The following CREB5 variants were observed in gnomAD, a reference collection of about 807,000 sequenced individuals.
CREB5 encodes cAMP responsive element binding protein 5.
In CREB5, 19 loss-of-function variants were observed where a neutral mutation model predicts 57.1. The ratio of observed to expected loss-of-function variants is 0.33; its 90% CI spans 0.23 to 0.49. The LOEUF is 0.49. Among genes scored for constraint, CREB5 ranks in the 20% least tolerant of loss-of-function variants. The probability of loss-of-function intolerance (pLI) is 0.99; values close to 1 mark genes in which losing one functional copy is unlikely to be tolerated. For missense variants in CREB5, 579 were observed against 671.6 expected, an observed-to-expected ratio of 0.86 and a Z score of 1.52; for synonymous variants, 238 against 238.3, an observed-to-expected ratio of 1.00 and a Z score of 0.01.
chr7:28,445,645 A>ATGG (rs1789412442), intron 1 of CREB5, among the ~76,000 whole-genome samples: 1 of 151,418 alleles, frequency 6.6e-6, no homozygotes, highest in Non-Finnish European at 1.5e-5. Context: ...TCCGCCTCCC[A>ATGG]GGTTCACGCC....
intron 7 of CREB5, among the ~76,000 whole-genome samples, chr7:28,740,306 C>T (rs919321474): frequency 1.3e-5 from 2 of 152,144 alleles, no homozygotes; most frequent in Non-Finnish European, 2.9e-5. Context: ...TCATCCCTGG[C>T]CATTTATTCC....
At chr7:28,645,085 C>G (rs946379146) in intron 5 of CREB5, among the ~76,000 whole-genome samples, 1 of 152,184 alleles carries the variant, frequency 6.6e-6, no homozygotes, top group African/African-American at 2.4e-5. Context: ...TTGCAGCCCC[C>G]CAACCCTTGA....
chr7:28,618,919 A>C (rs1797690837), intron 5 of CREB5, among the ~76,000 whole-genome samples: 1 of 152,238 alleles, frequency 6.6e-6, no homozygotes, highest in African/African-American at 2.4e-5. Flanking sequence ...GGCATTTGTT[A>C]CATGCTCAGA....
Position 28,514,286 on chromosome 7 carries a change from G to T in CREB5, c.291+6549G>T, listed in dbSNP as rs991805554. ...ACAGGCAAAGTGAAGGGGGGAGGTG[G>T]TTGTGACAGTAATTTCAGACGAATG... On this transcript the variant is annotated intron_variant, in intron 4 of 10. Transcript: ENST00000357727. 7.5e-4 allele frequency among the ~76,000 whole-genome samples: 114 copies of T among 152,210 alleles called. 7 individuals are homozygous for T. Among genetic ancestry groups the T allele is most frequent in the Non-Finnish European group, 5.9e-5 (4 of 68,032 alleles).
intron 1 of CREB5, among the ~76,000 whole-genome samples, chr7:28,480,057 C>G (rs970085753): frequency 1.3e-5 from 2 of 151,286 alleles, no homozygotes; most frequent in African/African-American, 4.9e-5. Context: ...TAAAAATCAT[C>G]TGCATGTGTG....
intron 7 of CREB5, among the ~76,000 whole-genome samples, chr7:28,754,431 C>T (rs776695137): frequency 1.3e-5 from 2 of 152,176 alleles, no homozygotes; most frequent in Non-Finnish European, 2.9e-5. Flanking sequence ...TAAACATCTA[C>T]GTTGGCCACC....
intron 5 of CREB5, among the ~76,000 whole-genome samples, chr7:28,617,486 A>G (rs1797634888): frequency 6.6e-6 from 1 of 152,214 alleles, no homozygotes; most frequent in East Asian, 1.9e-4. Flanking sequence ...GGGGCTGAAC[A>G]GGGAAAGGAG....
chr7:28,300,938 G>T (rs1231356234), intron 1 of CREB5, among the ~76,000 whole-genome samples: 3 of 152,186 alleles, frequency 2.0e-5, no homozygotes, highest in Admixed American at 2.0e-4. Context: ...CCCTGACTCA[G>T]AGACTGGGTT....
chr7:28,632,007 G>T (rs994007234), intron 5 of CREB5, among the ~76,000 whole-genome samples: 3 of 152,102 alleles, frequency 2.0e-5, no homozygotes, highest in African/African-American at 7.2e-5. Context: ...GCATATAAGG[G>T]CACTTTGTAA....
At chr7:28,548,689 C>T (rs565839435) in intron 4 of CREB5, among the ~76,000 whole-genome samples, 27 of 152,288 alleles carry the variant, frequency 1.8e-4, no homozygotes, top group African/African-American at 4.3e-4. Flanking sequence ...GAAAACATAG[C>T]AGATTCTTCT....
At chr7:28,331,091 A>G (rs1316235710) in intron 1 of CREB5, among the ~76,000 whole-genome samples, 1 of 152,128 alleles carries the variant, frequency 6.6e-6, no homozygotes, top group African/African-American at 2.4e-5. Flanking sequence ...CCATTTATTC[A>G]ATAATTGAGT....
chr7:28,595,115 T>G (rs1796651482), intron 5 of CREB5, among the ~76,000 whole-genome samples: 1 of 152,210 alleles, frequency 6.6e-6, no homozygotes, highest in Non-Finnish European at 1.5e-5. Context: ...AGACCTTCAC[T>G]TCTTAAAGCT....
intron 1 of CREB5, among the ~76,000 whole-genome samples, chr7:28,476,407 G>A (rs965128251): frequency 1.3e-5 from 2 of 152,144 alleles, no homozygotes; most frequent in Non-Finnish European, 2.9e-5. Context: ...TATAAAAACA[G>A]CAACCAACAT....
intron 5 of CREB5, among the ~76,000 whole-genome samples, chr7:28,604,155 C>T (rs1797028308): frequency 6.6e-6 from 1 of 152,100 alleles, no homozygotes; most frequent in Non-Finnish European, 1.5e-5. Context: ...TTCAAGGTCA[C>T]CACCACAGGA....
chr7:28,365,767 C>A (rs1191463005), intron 1 of CREB5, among the ~76,000 whole-genome samples: 1 of 152,158 alleles, frequency 6.6e-6, no homozygotes, highest in Admixed American at 6.5e-5. Context: ...CAACATCCAA[C>A]GCAGCCAAAC....
intron 1 of CREB5, among the ~76,000 whole-genome samples, chr7:28,370,118 A>C (rs1473748660): frequency 6.6e-6 from 1 of 152,212 alleles, no homozygotes; most frequent in Non-Finnish European, 1.5e-5. Context: ...ACCTATTATT[A>C]AAAGAAGAAA....
chr7:28,456,819 C>G (rs945291353), intron 1 of CREB5, among the ~76,000 whole-genome samples: 5 of 152,238 alleles, frequency 3.3e-5, no homozygotes, highest in African/African-American at 4.8e-5. Flanking sequence ...TGTGCCTGGG[C>G]ACACCCCCTT....
Position 28,823,611 on chromosome 7 carries a change from T to C in CREB5, c.*4332T>C, listed in dbSNP as rs1302661178. On this transcript the variant is annotated 3_prime_UTR_variant, in exon 11 of 11. Transcript: ENST00000357727. Reference sequence around the variant, plus strand: ...TTAAACATTTATTTCTGTGTGTTCATTTTTAAAGTAAGCTCTTTCATTTAG... The same window carrying C: ...TTAAACATTTATTTCTGTGTGTTCACTTTTAAAGTAAGCTCTTTCATTTAG... 1 of 152,388 alleles carries C rather than the reference T, an allele frequency of 6.6e-6. No individual in the cohort carries two copies. Among genetic ancestry groups the C allele is most frequent in the East Asian group, 1.9e-4 (1 of 5,200 alleles). The allele number at this position is 152,388 out of a possible 1,614,324, so 9.4% of individuals were successfully genotyped here.
At chr7:28,444,599 T>G (rs1789345994) in intron 1 of CREB5, among the ~76,000 whole-genome samples, 1 of 152,124 alleles carries the variant, frequency 6.6e-6, no homozygotes, top group South Asian at 2.1e-4. Flanking sequence ...AAGCTGTGTT[T>G]TAAAAAATAG....
Sources: allele counts gnomAD v4.1 joint callset (sites outside exome capture counted in the v4.1 genomes callset), GRCh38; gene constraint gnomAD v4.1.1; transcripts MANE v1.5; gene names NCBI Gene and HGNC (gene_info 2026-07-23, HGNC 2026-07-21).